SLIT3: variants seen among roughly 807,000 people sequenced by gnomAD.
SLIT3 encodes slit guidance ligand 3, also known as slit homolog 3 protein.
In SLIT3, 68 loss-of-function variants were observed where a neutral mutation model predicts 184.0. The observed-to-expected ratio is 0.37, with a 90% confidence interval of 0.30 to 0.45. The LOEUF is 0.45. Among genes scored for constraint, SLIT3 ranks in the 20% least tolerant of loss-of-function variants. The pLI is 1.00. For missense variants in SLIT3, 1,707 were observed against 2,026.0 expected, an observed-to-expected ratio of 0.84 and a Z score of 3.02; for synonymous variants, 831 against 828.6, an observed-to-expected ratio of 1.00 and a Z score of -0.05.
chr5:169,291,207 C>G (rs926137641), intron 1 of SLIT3, among the ~76,000 whole-genome samples: 2 of 152,098 alleles, frequency 1.3e-5, no homozygotes, highest in Non-Finnish European at 2.9e-5. Flanking sequence ...GTGGGAGGAG[C>G]CCAGAGATCC....
Position 168,773,020 on chromosome 5 carries a change from T to G in SLIT3, c.1296-76A>C, listed in dbSNP as rs1755612861. Reference sequence around the variant, plus strand: ...CCACCACCACCACCCTGCCTCGCGCTGGGCCCTGGCAATCCACTGCAAGGA... The same window carrying G: ...CCACCACCACCACCCTGCCTCGCGCGGGGCCCTGGCAATCCACTGCAAGGA... On this transcript the variant is annotated intron_variant, in intron 13 of 35. Transcript: ENST00000519560. 4.1e-6 allele frequency: 6 copies of G among 1,447,738 alleles called. No homozygotes were observed. In the South Asian group the frequency reaches 8.3e-5, roughly 20 times the overall value. 89.7% of individuals were successfully genotyped at this position (1,447,738 alleles called of 1,614,324 possible). A position where few individuals can be genotyped will look rare whatever the true frequency, so the allele number is the denominator to read the frequency against.
chr5:168,674,412 G>A (rs115636924), intron 32 of SLIT3, among the ~76,000 whole-genome samples: 2,093 of 152,006 alleles, frequency 0.014, 51 homozygotes, highest in African/African-American at 0.048. Context: ...TCAGATTTTC[G>A]GATTAGAGAT....
chr5:168,956,596 C>G (rs993476035), intron 4 of SLIT3, among the ~76,000 whole-genome samples: 1 of 151,774 alleles, frequency 6.6e-6, no homozygotes, highest in Non-Finnish European at 1.5e-5. Flanking sequence ...GAGACAGAGA[C>G]CAGCCTGGCC....
intron 20 of SLIT3, among the ~76,000 whole-genome samples, chr5:168,746,265 G>GGGTTGT (rs1763796108): frequency 6.7e-6 from 1 of 149,482 alleles, no homozygotes; most frequent in Non-Finnish European, 1.5e-5. Flanking sequence ...AGATGTGTGT[G>GGGTTGT]GGTGTGGTGA....
intron 5 of SLIT3, among the ~76,000 whole-genome samples, chr5:168,875,185 CAG>C (rs531991322): frequency 9.0e-6 from 1 of 111,436 alleles, no homozygotes; most frequent in Non-Finnish European, 1.7e-5. Flanking sequence ...GGGAGGAAGA[CAG>C]AGGGGGAAGA....
intron 12 of SLIT3, among the ~76,000 whole-genome samples, chr5:168,777,132 A>G (rs1755790087): frequency 6.6e-6 from 1 of 151,212 alleles, no homozygotes; most frequent in African/African-American, 2.4e-5. Flanking sequence ...ACACCACATC[A>G]AATTTCTATT....
intron 12 of SLIT3, among the ~76,000 whole-genome samples, chr5:168,779,255 G>A (rs1237605923): frequency 1.3e-5 from 2 of 152,208 alleles, no homozygotes; most frequent in African/African-American, 2.4e-5. Flanking sequence ...TCATGCTGCT[G>A]TGAGAGCCAG....
chr5:168,892,090 G>A (rs1403072482), intron 4 of SLIT3, among the ~76,000 whole-genome samples: 1 of 152,016 alleles, frequency 6.6e-6, no homozygotes, highest in Non-Finnish European at 1.5e-5. Context: ...GCTGTCCCAC[G>A]GAAATATATC....
At chr5:169,257,769 G>A (rs890272817) in intron 1 of SLIT3, among the ~76,000 whole-genome samples, 8 of 151,896 alleles carry the variant, frequency 5.3e-5, no homozygotes, top group East Asian at 1.9e-4. Flanking sequence ...TGGCCAGGCT[G>A]TTCTCAAACT....
chr5:168,736,147 G>A (rs1483877968), intron 20 of SLIT3, among the ~76,000 whole-genome samples: 2 of 152,138 alleles, frequency 1.3e-5, no homozygotes, highest in Admixed American at 1.3e-4. Context: ...TATCTGTCAT[G>A]GTAGCCACTG....
At position 169,260,805 on chromosome 5, in the gene SLIT3, C is replaced by T. The variant is rs904408539; in HGVS notation, c.198-9346G>A. ...CTAAATGCTGGTATATAGCTATAAA[C>T]AATAGTGGCGTGGTCTCTGCCCATA... is the stretch of plus-strand genomic sequence containing the variant. On this transcript the variant is annotated intron_variant, in intron 1 of 35. Transcript: ENST00000519560. 1.4e-4 allele frequency among the ~76,000 whole-genome samples: 22 copies of T among 152,250 alleles called. No homozygotes were observed. In the East Asian group the frequency reaches 4.2e-3, roughly 29 times the overall value.
At chr5:168,833,971 G>A (rs1213566879) in intron 6 of SLIT3, among the ~76,000 whole-genome samples, 3 of 152,184 alleles carry the variant, frequency 2.0e-5, no homozygotes, top group African/African-American at 7.2e-5. Flanking sequence ...AGAAGAAGTG[G>A]TCATGGATGC....
intron 12 of SLIT3, among the ~76,000 whole-genome samples, chr5:168,781,151 C>T (rs1459250612): frequency 6.6e-6 from 1 of 152,210 alleles, no homozygotes; most frequent in Non-Finnish European, 1.5e-5. Context: ...AAAAACAAGA[C>T]CTCTTTCTAC....
At chr5:169,208,061 C>T (rs889264091) in intron 3 of SLIT3, among the ~76,000 whole-genome samples, 2 of 152,080 alleles carry the variant, frequency 1.3e-5, no homozygotes, top group South Asian at 4.2e-4. Flanking sequence ...TGTTTGCTTA[C>T]CTGGGGGCAA....
chr5:168,998,893 C>CTGTGTGTGTGTGTGTGTGTG (rs71575505), intron 4 of SLIT3, among the ~76,000 whole-genome samples: 6 of 143,190 alleles, frequency 4.2e-5, no homozygotes, highest in African/African-American at 1.3e-4. Flanking sequence ...ACCCAGAAAT[C>CTGTGTGTGTGTGTGTGTGTG]TGTGTGTGTG....
At chr5:168,763,011 G>A (rs993439315) in intron 14 of SLIT3, among the ~76,000 whole-genome samples, 10 of 152,070 alleles carry the variant, frequency 6.6e-5, no homozygotes, top group Non-Finnish European at 1.5e-5. Context: ...TGTTCTCCTC[G>A]GGGAAGTGCT....
Position 168,684,150 on chromosome 5 carries a change from C to G in SLIT3, c.3556-54G>C, listed in dbSNP as rs985198288. The G allele has an allele frequency of 1.3e-5, 19 of 1,458,998 alleles. No individual in the cohort carries two copies. The Admixed American group carries it at 4.3e-4, about 33-fold the overall frequency. 90.4% of individuals were successfully genotyped at this position (1,458,998 alleles called of 1,614,324 possible). A position where few individuals can be genotyped will look rare whatever the true frequency, so the allele number is the denominator to read the frequency against. On this transcript the variant is annotated intron_variant, in intron 31 of 35. Transcript: ENST00000519560. ...AAGGGCTTACCTGAGACTGAACCTT[C>G]CCTGCCCATCTCACAGAGCCCTCTT...
chr5:168,966,355 A>G (rs912537419), intron 4 of SLIT3, among the ~76,000 whole-genome samples: 3 of 149,596 alleles, frequency 2.0e-5, no homozygotes, highest in African/African-American at 7.4e-5. Flanking sequence ...TTTTAATTTT[A>G]GAAGCCAGCA....
chr5:168,780,471 C>T (rs555411406), intron 12 of SLIT3, among the ~76,000 whole-genome samples: 12 of 152,330 alleles, frequency 7.9e-5, no homozygotes, highest in African/African-American at 9.6e-5. Context: ...AGAAAGATGG[C>T]GCCAATAGGC....
Sources: gnomAD v4.1 joint callset for allele counts (sites outside exome capture counted in the v4.1 genomes callset) on GRCh38, gnomAD v4.1.1 for gene constraint, MANE v1.5 for transcripts, NCBI Gene and HGNC (gene_info 2026-07-23, HGNC 2026-07-21) for gene names.